The following RALY variants were observed in gnomAD, a reference collection of about 807,000 sequenced individuals.
RALY encodes RALY heterogeneous nuclear ribonucleoprotein, also known as RNA-binding protein Raly.
RALY carries 15 observed loss-of-function variants against 30.7 expected under a neutral mutation model. The observed-to-expected ratio is 0.49, with a 90% CI of 0.33 to 0.75. The LOEUF (loss-of-function observed/expected upper bound fraction) is 0.75. Ranked by LOEUF, RALY falls within the 30% of genes least tolerant of loss-of-function variation. The pLI, the probability that RALY is intolerant of heterozygous loss-of-function variation, is 0.02. For missense variants in RALY, 339 were observed against 414.3 expected (o/e 0.82, Z 1.58); for synonymous variants, 177 against 170.8 (o/e 1.04, Z -0.28).
chr20:34,078,132 CTTATT>C (rs1568702032), intron 8 of RALY, among the ~76,000 whole-genome samples: 1 of 152,228 alleles, frequency 6.6e-6, no homozygotes, highest in Admixed American at 6.5e-5. Flanking sequence ...GATCCTTCAT[CTTATT>C]TTCTCAGGCA....
intron 2 of RALY, among the ~76,000 whole-genome samples, chr20:34,032,265 G>T (rs536744055): frequency 6.6e-6 from 1 of 152,212 alleles, no homozygotes; most frequent in South Asian, 2.1e-4. Context: ...GCCCGGCCCC[G>T]TAGAGACTTT....
chr20:34,047,776 A>G (rs2032933281), intron 2 of RALY, among the ~76,000 whole-genome samples: 1 of 152,220 alleles, frequency 6.6e-6, no homozygotes, highest in African/African-American at 2.4e-5. Flanking sequence ...TAGGTGCCAC[A>G]CAGTACCAGA....
intron 2 of RALY, among the ~76,000 whole-genome samples, chr20:34,038,494 T>A (rs1261870536): frequency 2.0e-5 from 3 of 152,138 alleles, no homozygotes; most frequent in Non-Finnish European, 4.4e-5. Context: ...AGAAATTGCT[T>A]CTTTGGAATT....
chr20:34,014,297 A>T (rs1568655323), intron 1 of RALY, among the ~76,000 whole-genome samples: 2 of 152,186 alleles, frequency 1.3e-5, no homozygotes, highest in Non-Finnish European at 1.5e-5. Context: ...AATGGGATTG[A>T]CTTGGCCTTT....
intron 7 of RALY, 38 bp from the exon 8 acceptor site, chr20:34,076,975 CAGCTACCCCAGGCTG>C (rs2033898524): frequency 6.2e-7 from 1 of 1,609,248 alleles, no homozygotes; most frequent in Non-Finnish European, 8.5e-7. Flanking sequence ...CTGCCCTAGA[CAGCTACCCCAGGCTG>C]AGTTTTATTC....
intron 2 of RALY, among the ~76,000 whole-genome samples, chr20:34,058,554 T>G (rs1306200485): frequency 1.3e-5 from 2 of 152,178 alleles, no homozygotes; most frequent in Non-Finnish European, 2.9e-5. Flanking sequence ...GAGTCTATCC[T>G]TTGGAGTATG....
intron 6 of RALY, 141 bp downstream of exon 6, chr20:34,076,181 A>G (rs1035267654): frequency 9.1e-7 from 1 of 1,093,638 alleles, no homozygotes. Context: ...AAGTATTTTC[A>G]TGCATTTCTA....
At chr20:34,042,840 T>C (rs2032750482) in intron 2 of RALY, among the ~76,000 whole-genome samples, 1 of 152,250 alleles carries the variant, frequency 6.6e-6, no homozygotes, top group Non-Finnish European at 1.5e-5. Flanking sequence ...CCCTAATCGT[T>C]TGTGAAGAAT....
At chr20:34,076,896 A>G in intron 7 of RALY, 81 bp downstream of exon 7, 1 of 1,587,742 alleles carries the variant, frequency 6.3e-7, no homozygotes, top group Admixed American at 1.7e-5. Flanking sequence ...GGGAGAGAGG[A>G]GCTAGGGTGG....
At chr20:33,998,640 G>A (rs1044766386) in intron 1 of RALY, among the ~76,000 whole-genome samples, 2 of 152,088 alleles carry the variant, frequency 1.3e-5, no homozygotes, top group African/African-American at 4.8e-5. Flanking sequence ...GTGTTGAGGA[G>A]TTTGGACTTC....
chr20:34,028,705 C>CAAAAAAA (rs71338492), intron 1 of RALY, among the ~76,000 whole-genome samples: 4 of 20,448 alleles, frequency 2.0e-4, no homozygotes, highest in African/African-American at 2.5e-4. Flanking sequence ...GACTCCATCT[C>CAAAAAAA]AAAAAAAAAA....
chr20:34,003,510 G>A (rs2031014438), intron 1 of RALY, among the ~76,000 whole-genome samples: 2 of 152,094 alleles, frequency 1.3e-5, no homozygotes, highest in South Asian at 2.1e-4. Context: ...TCTGGACAGG[G>A]GCAATGATGG....
At position 34,075,855 on chromosome 20, in the gene RALY, G is replaced by A. The variant is rs779274790; in HGVS notation, c.378-19G>A. On this transcript the variant is annotated intron_variant, in intron 5 of 9. Coordinates refer to ENST00000246194, the MANE Select transcript of RALY (RefSeq NM_016732.3). ...GGCCACAAGCCATGCTGCAGCCTCT[G>A]GCCCATCTGCCCTCACAGGCTCTTC... The A allele has an allele frequency of 6.2e-7, 1 of 1,606,598 alleles. No individual in the cohort carries two copies. Among genetic ancestry groups the A allele is most frequent in the Non-Finnish European group, 8.5e-7 (1 of 1,174,938 alleles).
intron 1 of RALY, among the ~76,000 whole-genome samples, chr20:34,011,216 A>C (rs2031386252): frequency 6.6e-6 from 1 of 152,218 alleles, no homozygotes; most frequent in South Asian, 2.1e-4. Flanking sequence ...TGAATGATAA[A>C]TTAGCATGAA....
At chr20:34,061,041 A>G (rs1183296824) in intron 2 of RALY, among the ~76,000 whole-genome samples, 3 of 152,224 alleles carry the variant, frequency 2.0e-5, no homozygotes, top group African/African-American at 7.2e-5. Context: ...GTAAACAGCC[A>G]TGATAAAAGA....
intron 1 of RALY, chr20:34,029,852 T>G (rs1298817710): frequency 6.6e-6 from 1 of 152,370 alleles, no homozygotes. Context: ...CCTTCACTCA[T>G]GACTTGGAGC....
chr20:34,052,940 T>A (rs1280475811), intron 2 of RALY, among the ~76,000 whole-genome samples: 6 of 152,258 alleles, frequency 3.9e-5, no homozygotes, highest in African/African-American at 1.4e-4. Context: ...GCTGGATTTC[T>A]ATCCAGACAG....
intron 1 of RALY, among the ~76,000 whole-genome samples, chr20:34,026,379 T>TTTAC (rs1189796957): frequency 6.5e-5 from 7 of 107,380 alleles, no homozygotes; most frequent in East Asian, 2.6e-4. Context: ...AGACATTTTA[T>TTTAC]TTATTTATTT....
chr20:34,022,763 G>A (rs2031877152), intron 1 of RALY, among the ~76,000 whole-genome samples: 2 of 152,126 alleles, frequency 1.3e-5, no homozygotes, highest in Non-Finnish European at 2.9e-5. Context: ...GTGACCAAAG[G>A]CAATTCATTT....
Sources: allele counts gnomAD v4.1 joint callset (sites outside exome capture counted in the v4.1 genomes callset), GRCh38; gene constraint gnomAD v4.1.1; transcripts MANE v1.5; gene names NCBI Gene and HGNC (gene_info 2026-07-23, HGNC 2026-07-21).